The following SPOCK1 variants were observed in gnomAD, a reference collection of about 807,000 sequenced individuals.
SPOCK1 encodes the protein testican-1.
In SPOCK1, 23 loss-of-function variants were observed where a neutral mutation model predicts 55.3. That is an observed-to-expected ratio of 0.42 (90% confidence interval 0.30 to 0.59). The LOEUF is 0.59. Ranked by LOEUF, SPOCK1 falls within the 20% of genes least tolerant of loss-of-function variation. SPOCK1 has a pLI of 0.22. For synonymous variants in SPOCK1, 226 were observed against 221.0 expected, an observed-to-expected ratio of 1.02 and a Z score of -0.20; for missense variants, 499 against 552.5, an observed-to-expected ratio of 0.90 and a Z score of 0.97.
chr5:137,442,726 G>T (rs1753041437), intron 2 of SPOCK1, among the ~76,000 whole-genome samples: 1 of 152,238 alleles, frequency 6.6e-6, no homozygotes, highest in South Asian at 2.1e-4. Flanking sequence ...GGAGGCATGT[G>T]CCAACAAGGA....
intron 3 of SPOCK1, 21 bp downstream of exon 3, chr5:137,266,989 A>G (rs1157072623): frequency 6.2e-7 from 1 of 1,608,210 alleles, no homozygotes; most frequent in Admixed American, 1.7e-5. Context: ...ACTATACAGC[A>G]AGAAATATTG....
chr5:137,208,899 A>G (rs1254007897), intron 3 of SPOCK1, among the ~76,000 whole-genome samples: 1 of 151,844 alleles, frequency 6.6e-6, no homozygotes, highest in Non-Finnish European at 1.5e-5. Flanking sequence ...AACTAAGCAG[A>G]ATTCTAGTTT....
At chr5:137,423,092 G>A (rs1327434146) in intron 2 of SPOCK1, among the ~76,000 whole-genome samples, 3 of 152,216 alleles carry the variant, frequency 2.0e-5, no homozygotes, top group Admixed American at 6.5e-5. Context: ...AGAGGCTGCA[G>A]AACAGCAAAT....
intron 2 of SPOCK1, among the ~76,000 whole-genome samples, chr5:137,392,161 ACT>A (rs1391422998): frequency 1.3e-5 from 2 of 151,720 alleles, no homozygotes; most frequent in African/African-American, 2.4e-5. Flanking sequence ...CACTGGCTCA[ACT>A]CTCTGTTTCT....
At chr5:137,382,132 C>T (rs1751484275) in intron 2 of SPOCK1, among the ~76,000 whole-genome samples, 1 of 152,218 alleles carries the variant, frequency 6.6e-6, no homozygotes, top group East Asian at 1.9e-4. Context: ...AGGGTAGGGG[C>T]AAAATGCCAC....
At chr5:137,378,791 A>G (rs1751387707) in intron 2 of SPOCK1, among the ~76,000 whole-genome samples, 1 of 152,188 alleles carries the variant, frequency 6.6e-6, no homozygotes, top group Non-Finnish European at 1.5e-5. Context: ...ACAGCAACTC[A>G]GTTTCCTTGT....
intron 5 of SPOCK1, among the ~76,000 whole-genome samples, chr5:137,080,731 T>G (rs1648915550): frequency 6.6e-6 from 1 of 152,136 alleles, no homozygotes. Context: ...CACAAAGCCC[T>G]GCCACAACTA....
At chr5:137,029,793 A>G (rs1315486433) in intron 6 of SPOCK1, among the ~76,000 whole-genome samples, 1 of 152,220 alleles carries the variant, frequency 6.6e-6, no homozygotes, top group Non-Finnish European at 1.5e-5. Context: ...CCAAGAGTTC[A>G]TGACCAGCCT....
chr5:137,129,576 G>A (rs115805972), intron 4 of SPOCK1, among the ~76,000 whole-genome samples: 2,926 of 152,208 alleles, frequency 0.019, 96 homozygotes, highest in African/African-American at 0.067. Flanking sequence ...CTGTGAAAAA[G>A]GGTCCTCATG....
At chr5:137,408,355 AG>A (rs996724565) in intron 2 of SPOCK1, among the ~76,000 whole-genome samples, 2 of 152,166 alleles carry the variant, frequency 1.3e-5, no homozygotes, top group African/African-American at 4.8e-5. Context: ...AGAGACAGAC[AG>A]GGACATGTTT....
intron 3 of SPOCK1, among the ~76,000 whole-genome samples, chr5:137,204,749 G>C (rs1343628882): frequency 6.6e-6 from 1 of 152,138 alleles, no homozygotes; most frequent in Non-Finnish European, 1.5e-5. Flanking sequence ...CCCTTGAGCA[G>C]CTTCATCCTG....
chr5:137,051,813 T>A (rs1191583608), intron 6 of SPOCK1, among the ~76,000 whole-genome samples: 1 of 152,194 alleles, frequency 6.6e-6, no homozygotes, highest in Non-Finnish European at 1.5e-5. Context: ...ACCTCCAGTA[T>A]GATCAAAGAA....
intron 2 of SPOCK1, among the ~76,000 whole-genome samples, chr5:137,340,217 A>C (rs1167169184): frequency 6.6e-6 from 1 of 152,218 alleles, no homozygotes; most frequent in Non-Finnish European, 1.5e-5. Flanking sequence ...GAACTGGAAC[A>C]GTTGGATGAC....
chr5:137,449,880 C>A, intron 2 of SPOCK1, among the ~76,000 whole-genome samples: 1 of 53,626 alleles, frequency 1.9e-5, no homozygotes, highest in Non-Finnish European at 3.2e-5. Flanking sequence ...AAGTGAGATG[C>A]TGTCTCAAAA....
At chr5:137,322,625 CT>C (rs144801248) in intron 2 of SPOCK1, among the ~76,000 whole-genome samples, 634 of 151,554 alleles carry the variant, frequency 4.2e-3, no homozygotes, top group Non-Finnish European at 7.3e-3. Context: ...GATATTACAA[CT>C]GTAAAATAAG....
chr5:137,151,458 T>C (rs1754317784), intron 3 of SPOCK1, among the ~76,000 whole-genome samples: 1 of 152,180 alleles, frequency 6.6e-6, no homozygotes, highest in Non-Finnish European at 1.5e-5. Context: ...AGCTCTTTGG[T>C]AGAAAAGTTT....
chr5:137,366,152 G>A (rs1239052464), intron 2 of SPOCK1, among the ~76,000 whole-genome samples: 2 of 152,146 alleles, frequency 1.3e-5, no homozygotes, highest in Non-Finnish European at 2.9e-5. Flanking sequence ...CTTTAGTCAA[G>A]AATTTCACTG....
At position 137,140,057 on chromosome 5, in the gene SPOCK1, A is replaced by G. The variant is rs187304257; in HGVS notation, c.347+523T>C. ...AGGGGCTGTACCCTGAGGAAATAGC[A>G]TGTTCCCAGAAGGAATGGTGGTGTG... On this transcript the variant is annotated intron_variant, in intron 4 of 10. Transcript: ENST00000394945. Among the ~76,000 whole-genome samples, 20 of 152,304 alleles carry G rather than the reference A, an allele frequency of 1.3e-4. No homozygotes were observed. In the East Asian group the frequency reaches 3.9e-3, roughly 29 times the overall value.
intron 3 of SPOCK1, among the ~76,000 whole-genome samples, chr5:137,234,645 A>T (rs969636299): frequency 2.6e-5 from 4 of 152,200 alleles, no homozygotes; most frequent in African/African-American, 9.6e-5. Context: ...TAATATATGT[A>T]GACGCTGGTC....
Sources: gnomAD v4.1 joint callset for allele counts (sites outside exome capture counted in the v4.1 genomes callset) on GRCh38, gnomAD v4.1.1 for gene constraint, MANE v1.5 for transcripts, NCBI Gene and HGNC (gene_info 2026-07-23, HGNC 2026-07-21) for gene names.